The following TTC6 variants were observed in gnomAD, a reference collection of about 807,000 sequenced individuals.
TTC6 encodes the protein tetratricopeptide repeat protein 6.
Under a neutral mutation model 210.4 loss-of-function variants are expected in TTC6, and 172 were observed. The ratio of observed to expected loss-of-function variants is 0.82; its 90% CI spans 0.72 to 0.93. The LOEUF is 0.93. Among genes scored for constraint, TTC6 ranks in the 40% least tolerant of loss-of-function variants. The probability of loss-of-function intolerance (pLI) is 0.00; values close to 1 mark genes in which losing one functional copy is unlikely to be tolerated. For missense variants in TTC6, 2,414 were observed against 2,318.1 expected (o/e 1.04, Z -0.85); for synonymous variants, 804 against 819.6 (o/e 0.98, Z 0.32).
rs917616589 is a variant in TTC6, at chr14:37,679,634, T to C, written c.940-517T>C. On this transcript the variant is annotated intron_variant, in intron 1 of 30. Coordinates refer to ENST00000553443, the Ensembl canonical transcript of TTC6. ...TTATCTTGTTAAATCTAAAAATATATTTATAGAGATCAGCGAAAAGCCATG... is the reference window on the plus strand; with the variant it reads ...TTATCTTGTTAAATCTAAAAATATACTTATAGAGATCAGCGAAAAGCCATG... Among the ~76,000 whole-genome samples, 5 of 152,202 alleles carry C rather than the reference T, an allele frequency of 3.3e-5. No individual in the cohort carries two copies. In the South Asian group the frequency reaches 1.0e-3, roughly 32 times the overall value.
At chr14:37,632,249 G>T (rs2095671327) in intron 1 of TTC6, among the ~76,000 whole-genome samples, 4 of 152,150 alleles carry the variant, frequency 2.6e-5, no homozygotes, top group Non-Finnish European at 5.9e-5. Flanking sequence ...CATCTTCTTG[G>T]ATTTATCTAC....
chr14:37,673,705 T>A (rs2095763061), intron 1 of TTC6, among the ~76,000 whole-genome samples: 2 of 152,156 alleles, frequency 1.3e-5, no homozygotes, highest in Non-Finnish European at 2.9e-5. Context: ...AACAGCACCC[T>A]TTAAGCCTCA....
chr14:37,768,233 G>A (rs1256983816), intron 14 of TTC6, among the ~76,000 whole-genome samples: 1 of 151,320 alleles, frequency 6.6e-6, no homozygotes, highest in Non-Finnish European at 1.5e-5. Context: ...GTCAGGTAGA[G>A]TGATGCCTCC....
At chr14:37,631,140 T>A (rs1019262230) in intron 1 of TTC6, among the ~76,000 whole-genome samples, 3 of 151,996 alleles carry the variant, frequency 2.0e-5, no homozygotes, top group Non-Finnish European at 4.4e-5. Flanking sequence ...TGTGTGAATT[T>A]GATCCTGTCA....
intron 20 of TTC6, among the ~76,000 whole-genome samples, chr14:37,797,363 G>T (rs1481155241): frequency 6.6e-6 from 1 of 151,914 alleles, no homozygotes; most frequent in Non-Finnish European, 1.5e-5. Flanking sequence ...TGCCAATTTG[G>T]TGGATAAAAA....
At chr14:37,670,839 G>T (rs916730004) in intron 1 of TTC6, among the ~76,000 whole-genome samples, 18 of 152,002 alleles carry the variant, frequency 1.2e-4, no homozygotes, top group African/African-American at 4.3e-4. Context: ...GAAAAATTAT[G>T]CAATAATAGG....
chr14:37,627,425 G>A (rs963169585), intron 1 of TTC6, among the ~76,000 whole-genome samples: 1 of 151,888 alleles, frequency 6.6e-6, no homozygotes, highest in Non-Finnish European at 1.5e-5. Flanking sequence ...TCTACGTTAG[G>A]TATTTCTTCT....
At chr14:37,636,774 C>G (rs2095681635) in intron 1 of TTC6, among the ~76,000 whole-genome samples, 1 of 151,992 alleles carries the variant, frequency 6.6e-6, no homozygotes, top group Non-Finnish European at 1.5e-5. Context: ...CCATTTGATC[C>G]AAGCAAATTT....
At chr14:37,790,734 T>A (rs1361876019) in exon 16 of TTC6, 3 of 1,533,948 alleles carry the variant, frequency 2.0e-6, no homozygotes, top group Non-Finnish European at 2.6e-6. Context: ...AAATGATGGC[T>A]ATGAGAATCT....
chr14:37,824,620 C>A (rs1008259270), intron 27 of TTC6, among the ~76,000 whole-genome samples: 3 of 152,118 alleles, frequency 2.0e-5, no homozygotes, highest in Non-Finnish European at 4.4e-5. Context: ...AGATAGGCAT[C>A]AAACAATTAA....
At chr14:37,786,626 C>G (rs993004240) in intron 14 of TTC6, among the ~76,000 whole-genome samples, 2 of 152,172 alleles carry the variant, frequency 1.3e-5, no homozygotes, top group Non-Finnish European at 2.9e-5. Context: ...GGGCTGCACC[C>G]ACTGTCCTGC....
intron 4 of TTC6, 123 bp from the exon 7 acceptor site, chr14:37,701,209 A>T: frequency 1.6e-6 from 1 of 619,746 alleles, no homozygotes; most frequent in Non-Finnish European, 2.5e-6. Flanking sequence ...TTATAGTTTT[A>T]AATCAGATCT....
chr14:37,786,963 G>T (rs569570306), intron 14 of TTC6, among the ~76,000 whole-genome samples: 11 of 152,240 alleles, frequency 7.2e-5, no homozygotes, highest in African/African-American at 1.9e-4. Flanking sequence ...AAGGAATCCA[G>T]TTTACACAAC....
chr14:37,663,756 G>C (rs1470913040), intron 1 of TTC6, among the ~76,000 whole-genome samples: 1 of 151,992 alleles, frequency 6.6e-6, no homozygotes, highest in Non-Finnish European at 1.5e-5. Context: ...AAAAAACCCT[G>C]TTGTCTCAGA....
intron 1 of TTC6, among the ~76,000 whole-genome samples, chr14:37,653,821 T>C (rs1347928063): frequency 6.6e-6 from 1 of 152,228 alleles, no homozygotes; most frequent in East Asian, 1.9e-4. Context: ...CTTATTCATA[T>C]TTGTTGTTGT....
chr14:37,731,603 T>G (rs999467810), intron 7 of TTC6, among the ~76,000 whole-genome samples: 1 of 152,216 alleles, frequency 6.6e-6, no homozygotes, highest in African/African-American at 2.4e-5. Flanking sequence ...GGGGCCATGT[T>G]ATTAGATGCA....
chr14:37,642,760 T>C (rs988775344), intron 1 of TTC6, among the ~76,000 whole-genome samples: 1 of 152,210 alleles, frequency 6.6e-6, no homozygotes, highest in Non-Finnish European at 1.5e-5. Context: ...TGGTATAGCC[T>C]ACTACACACC....
At chr14:37,675,780 A>G (rs913119047) in intron 1 of TTC6, among the ~76,000 whole-genome samples, 1 of 149,280 alleles carries the variant, frequency 6.7e-6, no homozygotes, top group Non-Finnish European at 1.5e-5. Context: ...CATCCTAGTG[A>G]GTATAAAGTG....
intron 14 of TTC6, among the ~76,000 whole-genome samples, chr14:37,780,716 G>A (rs2096052205): frequency 6.6e-6 from 1 of 152,184 alleles, no homozygotes. Context: ...TGCCATGGTG[G>A]TTTGCTGCAC....
Sources: allele counts gnomAD v4.1 joint callset (sites outside exome capture counted in the v4.1 genomes callset), GRCh38; gene constraint gnomAD v4.1.1; transcripts MANE v1.5; gene names NCBI Gene and HGNC (gene_info 2026-07-23, HGNC 2026-07-21).